Variants in SIK2 observed in about 807,000 individuals in gnomAD.
The protein encoded by SIK2 is salt inducible kinase 2.
In SIK2, 29 loss-of-function variants were observed where a neutral mutation model predicts 103.2. That is an observed-to-expected ratio of 0.28 (90% CI 0.21 to 0.38). SIK2 has a LOEUF of 0.38. Ranked by LOEUF, SIK2 falls within the 10% of genes least tolerant of loss-of-function variation. SIK2 has a pLI of 1.00. For synonymous variants in SIK2, 412 were observed against 446.1 expected, an observed-to-expected ratio of 0.92 and a Z score of 0.96; for missense variants, 879 against 1,171.0, an observed-to-expected ratio of 0.75 and a Z score of 3.64.
At chr11:111,677,642 T>C (rs934059554) in intron 3 of SIK2, among the ~76,000 whole-genome samples, 2 of 146,826 alleles carry the variant, frequency 1.4e-5, no homozygotes, top group African/African-American at 5.0e-5. Context: ...TTCGCCAGGC[T>C]AGTCTCGAAC....
intron 4 of SIK2, among the ~76,000 whole-genome samples, chr11:111,700,354 A>C (rs543948806): frequency 2.0e-5 from 3 of 152,310 alleles, no homozygotes; most frequent in African/African-American, 7.2e-5. Flanking sequence ...TATCTGCCTA[A>C]AACAGGATAT....
In SIK2 at chr11:111,722,149, T is replaced by C. The variant is rs1943821180; in HGVS notation, c.2055+209T>C. On this transcript the variant is annotated intron_variant, in intron 13 of 14. Coordinates refer to ENST00000304987, the MANE Select transcript of SIK2 (RefSeq NM_015191.3). This position sits in a 1 kb window ranked among gnomAD's most constrained non-coding sequence, Gnocchi z 4.4. Reference sequence around the variant, plus strand: ...GTTGGTGGTGGGAAAGGCTTTGTCCTCAAGCCCCACGAAAGGATATGCCAC... The same window carrying C: ...GTTGGTGGTGGGAAAGGCTTTGTCCCCAAGCCCCACGAAAGGATATGCCAC... Among the ~76,000 whole-genome samples, 1 of 152,214 alleles carries C rather than the reference T, an allele frequency of 6.6e-6. No homozygotes were observed. The highest frequency in any genetic ancestry group is 2.1e-4 in the South Asian group (1 of 4,828).
intron 9 of SIK2, among the ~76,000 whole-genome samples, chr11:111,719,360 T>A (rs1202881637): frequency 1.4e-4 from 1 of 6,992 alleles, no homozygotes. Flanking sequence ...CTACCCCTTT[T>A]TTTTTTTTTT....
intron 3 of SIK2, among the ~76,000 whole-genome samples, chr11:111,647,647 C>T (rs1403355179): frequency 2.7e-5 from 4 of 150,544 alleles, no homozygotes; most frequent in South Asian, 2.1e-4. Flanking sequence ...AGGTAGATCA[C>T]GAGGTCAGGA....
At chr11:111,680,650 C>A (rs1405613565) in intron 3 of SIK2, among the ~76,000 whole-genome samples, 3 of 152,038 alleles carry the variant, frequency 2.0e-5, no homozygotes, top group Admixed American at 6.6e-5. Flanking sequence ...ATTCTCACAC[C>A]CCTGAGACAT....
At chr11:111,651,821 ATTT>A (rs1692811495) in intron 3 of SIK2, among the ~76,000 whole-genome samples, 1 of 152,166 alleles carries the variant, frequency 6.6e-6, no homozygotes, top group Admixed American at 6.6e-5. Flanking sequence ...GTAAGTTGCT[ATTT>A]GGCTTTGTCA....
At position 111,641,855 on chromosome 11, in the gene SIK2, C is replaced by T. The variant is rs1422404309; in HGVS notation, c.316+21453C>T. Among the ~76,000 whole-genome samples, 5 of 152,164 alleles carry T rather than the reference C, an allele frequency of 3.3e-5. No individual in the cohort carries two copies. The South Asian group carries it at 1.0e-3, about 32-fold the overall frequency. ...GAATCACAGACTGGGATTCTTGTCC[C>T]AGCTCAGCCATTATTTAACTGTGTG... On this transcript the variant is annotated intron_variant, in intron 3 of 14. Coordinates refer to ENST00000304987, the MANE Select transcript of SIK2 (RefSeq NM_015191.3).
chr11:111,681,631 T>C (rs1319858508), intron 3 of SIK2, among the ~76,000 whole-genome samples: 1 of 152,226 alleles, frequency 6.6e-6, no homozygotes, highest in African/African-American at 2.4e-5. Context: ...AACTCCTTAC[T>C]TTGAAAATTG....
intron 3 of SIK2, among the ~76,000 whole-genome samples, chr11:111,660,279 G>A (rs1310094547): frequency 6.6e-6 from 1 of 152,124 alleles, no homozygotes; most frequent in African/African-American, 2.4e-5. Context: ...TATCTGGAGG[G>A]TGGAAGGGAA....
intron 3 of SIK2, among the ~76,000 whole-genome samples, chr11:111,621,050 T>C (rs985072930): frequency 1.3e-5 from 2 of 152,264 alleles, no homozygotes; most frequent in Non-Finnish European, 2.9e-5. Flanking sequence ...TCTTTTTTGT[T>C]CTTAAAGTCC....
At chr11:111,605,089 A>G (rs973282759) in intron 1 of SIK2, among the ~76,000 whole-genome samples, 7 of 151,818 alleles carry the variant, frequency 4.6e-5, no homozygotes, top group African/African-American at 1.7e-4. Context: ...CACCCTCCCA[A>G]GTAGCTGGGA....
At chr11:111,710,897 T>G (rs1345503706) in intron 8 of SIK2, among the ~76,000 whole-genome samples, 1 of 152,208 alleles carries the variant, frequency 6.6e-6, no homozygotes, top group African/African-American at 2.4e-5. Flanking sequence ...CCTGTATCCC[T>G]TGAAATAACT....
At chr11:111,646,797 T>G (rs1471393504) in intron 3 of SIK2, among the ~76,000 whole-genome samples, 2 of 152,258 alleles carry the variant, frequency 1.3e-5, no homozygotes, top group Non-Finnish European at 2.9e-5. Flanking sequence ...CTGTGATTCA[T>G]TCCTTTTTAT....
intron 4 of SIK2, among the ~76,000 whole-genome samples, chr11:111,700,219 A>AAGGCCATTAACTGTTTTGAACT (rs1471697729): frequency 6.6e-6 from 1 of 152,190 alleles, no homozygotes; most frequent in African/African-American, 2.4e-5. Flanking sequence ...TCATAAGGAG[A>AAGGCCATTAACTGTTTTGAACT]AGGCCATTAA....
chr11:111,669,563 C>T (rs182653871), intron 3 of SIK2, among the ~76,000 whole-genome samples: 18 of 151,314 alleles, frequency 1.2e-4, no homozygotes, highest in African/African-American at 3.6e-4. Context: ...AGACACCCCC[C>T]CTCCCGCCCC....
chr11:111,613,674 A>G (rs1344259875), intron 1 of SIK2, among the ~76,000 whole-genome samples: 1 of 152,186 alleles, frequency 6.6e-6, no homozygotes, highest in Non-Finnish European at 1.5e-5. Flanking sequence ...CTAGCAGTCA[A>G]AGTTTTACTT....
At chr11:111,632,369 C>T (rs1481225770) in intron 3 of SIK2, among the ~76,000 whole-genome samples, 1 of 152,086 alleles carries the variant, frequency 6.6e-6, no homozygotes, top group Non-Finnish European at 1.5e-5. Flanking sequence ...ACTTCCCTTG[C>T]TTTTGGGGTA....
At chr11:111,662,801 C>A (rs1942484769) in intron 3 of SIK2, among the ~76,000 whole-genome samples, 1 of 152,058 alleles carries the variant, frequency 6.6e-6, no homozygotes, top group East Asian at 1.9e-4. Flanking sequence ...TTGCTTGAGC[C>A]CAGGAGATCA....
intron 3 of SIK2, among the ~76,000 whole-genome samples, chr11:111,662,041 A>G (rs1039337327): frequency 3.9e-5 from 6 of 152,220 alleles, no homozygotes; most frequent in Non-Finnish European, 5.9e-5. Context: ...CTCTTTTCAC[A>G]TACATCTTTT....
Sources: gnomAD v4.1 joint callset for allele counts (sites outside exome capture counted in the v4.1 genomes callset) on GRCh38, gnomAD v4.1.1 for gene constraint, Gnocchi (gnomAD v3.1) non-coding constraint, MANE v1.5 for transcripts, NCBI Gene and HGNC (gene_info 2026-07-23, HGNC 2026-07-21) for gene names.